ACOT7: variants seen among roughly 807,000 people sequenced by gnomAD.
ACOT7 encodes acyl-CoA thioesterase 7, also known as cytosolic acyl coenzyme A thioester hydrolase.
ACOT7 carries 12 observed loss-of-function variants against 40.2 expected under a neutral mutation model. That is an observed-to-expected ratio of 0.30 (90% confidence interval 0.19 to 0.48). The LOEUF (loss-of-function observed/expected upper bound fraction) is 0.48, where lower values mean the gene tolerates loss of function less well. ACOT7 is among the 20% of genes least tolerant of loss of function. The pLI, the probability that ACOT7 is intolerant of heterozygous loss-of-function variation, is 0.99. For synonymous variants in ACOT7, 228 were observed against 219.5 expected, an observed-to-expected ratio of 1.04 and a Z score of -0.34; for missense variants, 395 against 530.8, an observed-to-expected ratio of 0.74 and a Z score of 2.51.
chr1:6,359,616 C>T lies in ACOT7; in HGVS notation c.144-9750G>A, dbSNP rs1005678366. ...CCCAACCCGTACTCTCTTCACTCCG[C>T]CTCCCCTTCTACTGGGTGTCAGGAA... On this transcript the variant is annotated intron_variant, in intron 1 of 8. Transcript: ENST00000361521. The surrounding 1 kb of genome is among the most constrained non-coding windows in gnomAD (Gnocchi z 4.1). Among the ~76,000 whole-genome samples, 5 of 152,212 alleles carry T rather than the reference C, an allele frequency of 3.3e-5. No individual in the cohort carries two copies. The highest frequency in any genetic ancestry group is 5.9e-5 in the Non-Finnish European group (4 of 68,042).
At chr1:6,300,412 TTGTC>T (rs1412315114) in intron 6 of ACOT7, among the ~76,000 whole-genome samples, 10 of 151,624 alleles carry the variant, frequency 6.6e-5, no homozygotes, top group African/African-American at 2.0e-4. Context: ...GCCGTGAACT[TTGTC>T]TGTTCACTGA....
chr1:6,306,247 C>T lies in ACOT7; in HGVS notation c.713-11267G>A, dbSNP rs1282306870. 4 of 979,780 alleles carry T rather than the reference C, an allele frequency of 4.1e-6. No homozygotes were observed. In the African/African-American group the frequency reaches 5.4e-5, roughly 13 times the overall value. The allele number at this position is 979,780 out of a possible 1,614,324, so 60.7% of individuals were successfully genotyped here. A position where few individuals can be genotyped will look rare whatever the true frequency, so the allele number is the denominator to read the frequency against. On this transcript the variant is annotated intron_variant, in intron 6 of 8. Coordinates refer to ENST00000361521, the MANE Select transcript of ACOT7 (RefSeq NM_007274.4). This position sits in a 1 kb window ranked among gnomAD's most constrained non-coding sequence, Gnocchi z 4.3. The stretch of plus-strand genomic sequence containing the variant: ...GGGGGAGAGGGAGAGGACGTTCTTA[C>T]GGTTCATGGCAAGACCTCAACCAAA...
rs1219045325 is a variant in ACOT7 at position 6,378,303 on chromosome 1, G to C, written c.143+14954C>G. ...TCTGCTGGTGGCCGGGGTGCTCCTC[G>C]ATAGCGCCAGACTGCGGCAGATGGT... On this transcript the variant is annotated intron_variant, in intron 1 of 8. Coordinates refer to ENST00000361521, the MANE Select transcript of ACOT7 (RefSeq NM_007274.4). Among the ~76,000 whole-genome samples, 26 of 151,664 alleles carry C rather than the reference G, an allele frequency of 1.7e-4. 2 individuals carry two copies. Among genetic ancestry groups the C allele is most frequent in the Non-Finnish European group, 1.5e-5 (1 of 67,848 alleles).
Position 6,393,335 on chromosome 1 carries a change from G to C in ACOT7, c.65C>G (p.Pro22Arg). The change falls in exon 1 of 9, where the codon CCG becomes CGG. Residue 22 changes from proline to arginine, a missense_variant. Pro to Arg is a moderately radical substitution (Grantham distance 103). This residue lies in a region of ACOT7 where 86 missense variants were observed against 60.5 expected (regional missense o/e 1.42). Transcript: ENST00000361521. The stretch of plus-strand genomic sequence containing the variant: ...GGCTGCGGCGGCGGATGCGGCGGGC[G>C]GCTGCAGAAGGGCGCAGGTGTCTGG... ...GLPDTCALLQ[P>R]PAASAAAAPS... The C allele has an allele frequency of 7.9e-7, 1 of 1,258,494 alleles. No individual in the cohort carries two copies. 78.0% of individuals were successfully genotyped at this position (1,258,494 alleles called of 1,614,324 possible).
At chr1:6,345,056 T>C (rs909401580) in intron 2 of ACOT7, among the ~76,000 whole-genome samples, 4 of 152,158 alleles carry the variant, frequency 2.6e-5, no homozygotes, top group Non-Finnish European at 5.9e-5. Context: ...GCCAGTGTGA[T>C]CCAAAACTTC....
At chr1:6,309,937 C>T (rs765147043) in intron 6 of ACOT7, among the ~76,000 whole-genome samples, 1 of 152,182 alleles carries the variant, frequency 6.6e-6, no homozygotes, top group South Asian at 2.1e-4. Context: ...TGTGTTATCT[C>T]GTCTGTTTGT....
At chr1:6,292,458 T>C (rs1289263834) in intron 7 of ACOT7, among the ~76,000 whole-genome samples, 2 of 152,208 alleles carry the variant, frequency 1.3e-5, no homozygotes, top group African/African-American at 4.8e-5. Context: ...TGGAAAGCCT[T>C]TGGCAAAGCA....
In ACOT7 at chr1:6,278,653, C is replaced by T. The variant is rs1571263791; in HGVS notation, c.1014+2449G>A. ...GGCCAAGTCAATTTGGGAGTCAATA[C>T]AACACACAGGCGATGCTCGAGGCAC... On this transcript the variant is annotated intron_variant, in intron 8 of 8. Coordinates refer to ENST00000361521, the MANE Select transcript of ACOT7 (RefSeq NM_007274.4). The surrounding 1 kb of genome is among the most constrained non-coding windows in gnomAD (Gnocchi z 4.1). Among the ~76,000 whole-genome samples the T allele has an allele frequency of 6.6e-6, 1 of 152,160 alleles. No individual in the cohort carries two copies.
intron 1 of ACOT7, among the ~76,000 whole-genome samples, chr1:6,381,650 A>C (rs994033117): frequency 6.6e-6 from 1 of 151,912 alleles, no homozygotes; most frequent in Non-Finnish European, 1.5e-5. Flanking sequence ...TTTAAAATAG[A>C]ATTGCCATAT....
At chr1:6,385,531 C>A in intron 1 of ACOT7, 3 of 1,612,316 alleles carry the variant, frequency 1.9e-6, no homozygotes, top group Non-Finnish European at 2.5e-6. Flanking sequence ...GGGAGATCAG[C>A]CCTGGGCCCA....
Position 6,281,109 on chromosome 1 carries a change from T to C in ACOT7, c.1007A>G (p.Gln336Arg). The change falls in exon 8 of 9, where the codon CAG (glutamine) becomes CGG (arginine). Residue 336 changes from glutamine (Q) to arginine (R), a missense_variant. Physicochemically the swap from Gln to Arg is conservative, Grantham distance 43. Around this residue, in one of 2 missense-constraint regions of ACOT7, gnomAD observed 309 missense variants for 470.3 expected, o/e 0.66. Transcript: ENST00000361521. Reference protein sequence around the residue: ...SQEGRSLPVPQLVPETEDEKK... With the variant: ...SQEGRSLPVPRLVPETEDEKK... ...CCAAGGATGCGCACTCACCACCAGCTGGGGCACAGGCAGCGACCTGCCTTC... is the reference window on the plus strand; with the variant it reads ...CCAAGGATGCGCACTCACCACCAGCCGGGGCACAGGCAGCGACCTGCCTTC... The C allele has an allele frequency of 6.2e-7, 1 of 1,613,378 alleles. No homozygotes were observed. Among genetic ancestry groups the C allele is most frequent in the Non-Finnish European group, 8.5e-7 (1 of 1,179,986 alleles).
chr1:6,384,315 T>A (rs998279360), intron 1 of ACOT7, among the ~76,000 whole-genome samples: 1 of 151,780 alleles, frequency 6.6e-6, no homozygotes, highest in Admixed American at 6.6e-5. Context: ...GAGATACCAC[T>A]GCACATCTAC....
At chr1:6,363,019 C>G (rs905947768) in intron 1 of ACOT7, among the ~76,000 whole-genome samples, 1 of 152,144 alleles carries the variant, frequency 6.6e-6, no homozygotes, top group African/African-American at 2.4e-5. Context: ...AAGAATTATA[C>G]TAGATCTAGA....
intron 1 of ACOT7, among the ~76,000 whole-genome samples, chr1:6,381,266 C>T (rs1313937692): frequency 4.6e-5 from 7 of 151,626 alleles, no homozygotes; most frequent in Non-Finnish European, 8.8e-5. Context: ...ATAATATATA[C>T]ACCTATACAT....
intron 3 of ACOT7, among the ~76,000 whole-genome samples, chr1:6,336,801 C>A (rs1409700847): frequency 1.3e-5 from 2 of 152,112 alleles, no homozygotes; most frequent in African/African-American, 4.8e-5. Flanking sequence ...TGGGCAGAGA[C>A]AGAGAAGGGC....
intron 1 of ACOT7, among the ~76,000 whole-genome samples, chr1:6,388,232 C>T (rs978729678): frequency 1.3e-5 from 2 of 152,026 alleles, no homozygotes; most frequent in South Asian, 2.1e-4. Flanking sequence ...CCTGCAGCCT[C>T]CCCAGCAGCT....
chr1:6,268,270 CCA>C (rs1456910868), intron 8 of ACOT7, among the ~76,000 whole-genome samples: 1 of 152,180 alleles, frequency 6.6e-6, no homozygotes, highest in African/African-American at 2.4e-5. Context: ...GAGAAAACCT[CCA>C]CAGTTGAGAG....
chr1:6,380,821 GTGA>G (rs1284350501), intron 1 of ACOT7, among the ~76,000 whole-genome samples: 4 of 151,434 alleles, frequency 2.6e-5, no homozygotes, highest in Non-Finnish European at 2.9e-5. Flanking sequence ...ATTGGATTTG[GTGA>G]TGATTTCTTG....
chr1:6,266,662 G>A lies in ACOT7; in HGVS notation c.1015-1967C>T, dbSNP rs892351269. Among the ~76,000 whole-genome samples the A allele has an allele frequency of 6.4e-4, 98 of 152,280 alleles. 4 individuals carry two copies. Among genetic ancestry groups the A allele is most frequent in the Admixed American group, 1.5e-3 (23 of 15,290 alleles). ...TCAAAGCCACCAGGATGGGATATAG[G>A]GGCCTTGTCCTCCCCTTCCCCTGTG... On this transcript the variant is annotated intron_variant, in intron 8 of 8. Transcript: ENST00000361521.
Sources: gnomAD v4.1 joint callset for allele counts (sites outside exome capture counted in the v4.1 genomes callset) on GRCh38, gnomAD v4.1.1 for gene constraint, gnomAD v4.1.1 regional missense constraint, Gnocchi (gnomAD v3.1) non-coding constraint, MANE v1.5 for transcripts, NCBI Gene and HGNC (gene_info 2026-07-23, HGNC 2026-07-21) for gene names.